Variants in TRDN observed in about 807,000 individuals in gnomAD.
The protein encoded by TRDN is triadin, also known as triadin in skeletal muscle.
Under a neutral mutation model 149.7 loss-of-function variants are expected in TRDN, and 161 were observed. The ratio of observed to expected loss-of-function variants is 1.08; its 90% CI spans 0.95 to 1.23. TRDN has a LOEUF of 1.23. Ranked by LOEUF, TRDN falls within the 50% of genes most tolerant of loss-of-function variation. The probability of loss-of-function intolerance (pLI) is 0.00; values close to 1 mark genes in which losing one functional copy is unlikely to be tolerated. For synonymous variants in TRDN, 294 were observed against 250.5 expected (o/e 1.17, Z -1.64); for missense variants, 896 against 823.5 (o/e 1.09, Z -1.08).
rs373926690 is a variant in TRDN at position 123,352,530 on chromosome 6, T to C, written c.1369+9A>G. The C allele has an allele frequency of 6.8e-6, 11 of 1,610,410 alleles. No homozygotes were observed. The African/African-American group carries it at 1.3e-4, about 20-fold the overall frequency. The stretch of plus-strand genomic sequence containing the variant: ...GAAGATAATGTCAACCTCCTTCATT[T>C]TTTTTTACCTTGCTCCACTGTCTTG... On this transcript the variant is annotated intron_variant, in intron 21 of 40. Coordinates refer to ENST00000334268, the MANE Select transcript of TRDN (RefSeq NM_006073.4).
chr6:123,287,722 T>C (rs1328123212), intron 24 of TRDN, among the ~76,000 whole-genome samples: 1 of 152,086 alleles, frequency 6.6e-6, no homozygotes, highest in Non-Finnish European at 1.5e-5. Flanking sequence ...AAATTAGACA[T>C]TTGTGATTGA....
chr6:123,470,655 C>T (rs1777101359), intron 9 of TRDN: 1 of 152,214 alleles, frequency 6.6e-6, no homozygotes, highest in African/African-American at 2.4e-5. Flanking sequence ...ACACGTAGAA[C>T]ATTTTAGGCT....
chr6:123,532,225 T>C (rs1226019386), intron 4 of TRDN, among the ~76,000 whole-genome samples: 1 of 152,060 alleles, frequency 6.6e-6, no homozygotes, highest in Non-Finnish European at 1.5e-5. Flanking sequence ...AATACCTCAT[T>C]AATAATTTTT....
At chr6:123,270,769 A>T (rs1329116264) in intron 30 of TRDN, among the ~76,000 whole-genome samples, 1 of 151,944 alleles carries the variant, frequency 6.6e-6, no homozygotes, top group Non-Finnish European at 1.5e-5. Context: ...TAATTTATAA[A>T]TAGTAGAAAG....
intron 24 of TRDN, among the ~76,000 whole-genome samples, chr6:123,313,783 C>G (rs1778919968): frequency 6.6e-6 from 1 of 152,024 alleles, no homozygotes; most frequent in Admixed American, 6.6e-5. Flanking sequence ...GCTGGGATAA[C>G]TGGCTAGCCA....
At position 123,295,741 on chromosome 6, in the gene TRDN, A is replaced by G. The variant is rs1443099225; in HGVS notation, c.1511-16659T>C. On this transcript the variant is annotated intron_variant, in intron 24 of 40. Coordinates refer to ENST00000334268, the MANE Select transcript of TRDN (RefSeq NM_006073.4). ...CACTTTGGAAGACCGAGGCAGGTGG[A>G]TCACTCGAGACCAGGAGTTTGAGAC... Among the ~76,000 whole-genome samples, 9 of 152,210 alleles carry G rather than the reference A, an allele frequency of 5.9e-5. No homozygotes were observed. In the South Asian group the frequency reaches 1.5e-3, roughly 25 times the overall value.
At chr6:123,275,264 G>C (rs1777333006) in intron 26 of TRDN, among the ~76,000 whole-genome samples, 1 of 152,084 alleles carries the variant, frequency 6.6e-6, no homozygotes, top group Non-Finnish European at 1.5e-5. Context: ...AGTCATGCTA[G>C]AGAAGGGTAG....
chr6:123,246,740 GGTA>G (rs1776195788), intron 38 of TRDN, among the ~76,000 whole-genome samples: 1 of 151,228 alleles, frequency 6.6e-6, no homozygotes. Context: ...CATTTTATAA[GGTA>G]TAAGGCCAGC....
intron 12 of TRDN, among the ~76,000 whole-genome samples, chr6:123,425,450 A>T (rs1774082689): frequency 6.6e-6 from 1 of 152,156 alleles, no homozygotes; most frequent in African/African-American, 2.4e-5. Flanking sequence ...CATTATTATA[A>T]GAATGGTTTT....
chr6:123,359,159 G>A (rs1167665325), intron 20 of TRDN, among the ~76,000 whole-genome samples: 1 of 152,130 alleles, frequency 6.6e-6, no homozygotes, highest in African/African-American at 2.4e-5. Flanking sequence ...TGGAAACAGA[G>A]GTTTCTCGTC....
chr6:123,442,230 C>T (rs148880388), intron 10 of TRDN: 2 of 152,302 alleles, frequency 1.3e-5, no homozygotes, highest in African/African-American at 2.4e-5. Flanking sequence ...CTATGGCACA[C>T]CGAATTTCAT....
At chr6:123,344,195 G>A (rs534260981) in intron 21 of TRDN, among the ~76,000 whole-genome samples, 1 of 151,872 alleles carries the variant, frequency 6.6e-6, no homozygotes, top group Non-Finnish European at 1.5e-5. Context: ...CCCTCTTCAA[G>A]CACACTCAGG....
At chr6:123,486,239 T>C (rs1346225565) in intron 9 of TRDN, among the ~76,000 whole-genome samples, 1 of 151,330 alleles carries the variant, frequency 6.6e-6, no homozygotes, top group African/African-American at 2.4e-5. Flanking sequence ...TTTTGGGTTC[T>C]CTTGGTGTAA....
chr6:123,509,768 C>T (rs1779085655), intron 7 of TRDN: 1 of 151,790 alleles, frequency 6.6e-6, no homozygotes, highest in African/African-American at 2.4e-5. Context: ...TGTGGTAATG[C>T]TTTACAAAGC....
chr6:123,347,713 A>G (rs1229563520), intron 21 of TRDN, among the ~76,000 whole-genome samples: 2 of 152,082 alleles, frequency 1.3e-5, no homozygotes, highest in Non-Finnish European at 2.9e-5. Context: ...TTGAGCATGG[A>G]AAACATGTCT....
chr6:123,363,876 T>C (rs1780989120), intron 20 of TRDN, among the ~76,000 whole-genome samples: 1 of 152,228 alleles, frequency 6.6e-6, no homozygotes, highest in Admixed American at 6.5e-5. Flanking sequence ...GAGTTTGGCG[T>C]AGAGGTTTCT....
Position 123,481,582 on chromosome 6 carries a change from C to T in TRDN, c.853+15611G>A, listed in dbSNP as rs570051723. Among the ~76,000 whole-genome samples, 9 of 152,196 alleles carry T rather than the reference C, an allele frequency of 5.9e-5. No homozygotes were observed. In the East Asian group the frequency reaches 1.7e-3, roughly 29 times the overall value. ...GAGTTGAAGAGGTTATAACCCACTT[C>T]ACAGGGCTTTGTGAGAAATACATAA... On this transcript the variant is annotated intron_variant, in intron 9 of 40. Coordinates refer to ENST00000334268, the MANE Select transcript of TRDN (RefSeq NM_006073.4).
chr6:123,566,056 T>C (rs1042849197), intron 2 of TRDN, among the ~76,000 whole-genome samples: 2 of 152,222 alleles, frequency 1.3e-5, no homozygotes, highest in African/African-American at 4.8e-5. Context: ...AAACCCTTAT[T>C]CTATGTAATT....
At chr6:123,623,651 T>C (rs1448751339) in intron 1 of TRDN, among the ~76,000 whole-genome samples, 1 of 152,140 alleles carries the variant, frequency 6.6e-6, no homozygotes, top group Non-Finnish European at 1.5e-5. Flanking sequence ...TAAAATGAAT[T>C]AACCTGGAAT....
Sources: allele counts gnomAD v4.1 joint callset (sites outside exome capture counted in the v4.1 genomes callset), GRCh38; gene constraint gnomAD v4.1.1; transcripts MANE v1.5; gene names NCBI Gene and HGNC (gene_info 2026-07-23, HGNC 2026-07-21).